Variants in ARIH1 observed in about 807,000 individuals in gnomAD.
ARIH1 encodes the protein E3 ubiquitin-protein ligase ARIH1.
A neutral mutation model predicts 85.0 loss-of-function variants in ARIH1; 8 were observed. The observed-to-expected ratio is 0.09, with a 90% CI of 0.06 to 0.17. The LOEUF is 0.17. Among genes scored for constraint, ARIH1 ranks in the 10% least tolerant of loss-of-function variants. The pLI, the probability that ARIH1 is intolerant of heterozygous loss-of-function variation, is 1.00. For missense variants in ARIH1, 311 were observed against 718.1 expected (o/e 0.43, Z 6.48); for synonymous variants, 238 against 253.6 (o/e 0.94, Z 0.59).
intron 2 of ARIH1, among the ~76,000 whole-genome samples, chr15:72,533,856 A>G (rs1050928095): frequency 1.3e-5 from 2 of 152,136 alleles, no homozygotes; most frequent in African/African-American, 2.4e-5. Context: ...GCTGTGAGCC[A>G]TTTTTATGCC....
intron 2 of ARIH1, among the ~76,000 whole-genome samples, chr15:72,529,443 T>G (rs544908663): frequency 6.6e-6 from 1 of 152,300 alleles, no homozygotes; most frequent in East Asian, 1.9e-4. Context: ...TTGACCACAC[T>G]GGTCTGGAAC....
At chr15:72,525,346 C>T (rs549645910) in intron 2 of ARIH1, among the ~76,000 whole-genome samples, 3 of 152,204 alleles carry the variant, frequency 2.0e-5, no homozygotes, top group African/African-American at 7.2e-5. Context: ...TGTATTAACT[C>T]GTGATTTAGT....
chr15:72,523,227 C>G (rs2064008817), intron 2 of ARIH1, among the ~76,000 whole-genome samples: 1 of 152,184 alleles, frequency 6.6e-6, no homozygotes, highest in Admixed American at 6.5e-5. Flanking sequence ...ATTGCCAAAA[C>G]TTGGAAGCAA....
intron 1 of ARIH1, among the ~76,000 whole-genome samples, chr15:72,505,861 G>A (rs777654587): frequency 2.8e-4 from 42 of 152,130 alleles, no homozygotes; most frequent in African/African-American, 9.4e-4. Context: ...TCAGCCTCCC[G>A]AGGAGCTGGG....
At chr15:72,514,042 G>T (rs1399940261) in intron 1 of ARIH1, among the ~76,000 whole-genome samples, 1 of 150,792 alleles carries the variant, frequency 6.6e-6, no homozygotes, top group Non-Finnish European at 1.5e-5. Flanking sequence ...GTCTCACCAT[G>T]TTGCTCAGAC....
chr15:72,509,086 G>A (rs28541481), intron 1 of ARIH1, among the ~76,000 whole-genome samples: 2,294 of 151,582 alleles, frequency 0.015, 56 homozygotes, highest in Admixed American at 0.057. Flanking sequence ...CGCTTCCTGG[G>A]TTCAGGTGAT....
chr15:72,534,947 A>C (rs1431963197), intron 2 of ARIH1, among the ~76,000 whole-genome samples: 1 of 76,270 alleles, frequency 1.3e-5, no homozygotes, highest in East Asian at 5.6e-4. Flanking sequence ...ATGTCTTCTT[A>C]TTGTCTGTAT....
chr15:72,495,970 G>T lies in ARIH1; in HGVS notation c.375+20956G>T, dbSNP rs565978334. ...CTGTCACCCAAGCTGGAGTGCAGTG[G>T]TGTAATCACAGCTCACCGCAGCCTT... On this transcript the variant is annotated intron_variant, in intron 1 of 13. Coordinates refer to ENST00000379887, the MANE Select transcript of ARIH1 (RefSeq NM_005744.5). Among the ~76,000 whole-genome samples the T allele has an allele frequency of 2.4e-4, 36 of 152,198 alleles. No homozygotes were observed. In the South Asian group the frequency reaches 7.1e-3, roughly 30 times the overall value.
chr15:72,491,935 T>C (rs945732137), intron 1 of ARIH1, among the ~76,000 whole-genome samples: 3 of 152,190 alleles, frequency 2.0e-5, no homozygotes, highest in Admixed American at 1.3e-4. Context: ...TCTTCTACCT[T>C]TTTCCATCCT....
intron 1 of ARIH1, 175 bp downstream of exon 1, chr15:72,475,189 G>A (rs999009432): frequency 3.9e-5 from 52 of 1,319,970 alleles, no homozygotes; most frequent in Non-Finnish European, 4.8e-5. Flanking sequence ...GCAGAGGTTC[G>A]CCGATTAGCC....
chr15:72,538,870 T>C (rs2064094426), intron 2 of ARIH1, among the ~76,000 whole-genome samples: 1 of 152,230 alleles, frequency 6.6e-6, no homozygotes, highest in South Asian at 2.1e-4. Flanking sequence ...ATTTTTTAAA[T>C]TGACAGATTA....
chr15:72,506,820 CTG>C (rs2063927709), intron 1 of ARIH1, among the ~76,000 whole-genome samples: 1 of 151,670 alleles, frequency 6.6e-6, no homozygotes, highest in Non-Finnish European at 1.5e-5. Context: ...TGTATGTAAA[CTG>C]GAATAAAAAA....
rs1048106746 is a variant in ARIH1 at position 72,583,610 on chromosome 15, G to A, written c.*318G>A. The A allele has an allele frequency of 2.7e-5, 6 of 219,820 alleles. No individual in the cohort carries two copies. Among genetic ancestry groups the A allele is most frequent in the Non-Finnish European group, 4.5e-5 (5 of 111,208 alleles). 13.6% of individuals were successfully genotyped at this position (219,820 alleles called of 1,614,324 possible). A position where few individuals can be genotyped will look rare whatever the true frequency, so the allele number is the denominator to read the frequency against. ...TTTCTTTTTCCTTTTCCTGAGTGTAGTACAGTTAAAATTTCAAACAGCTCC... is the reference window on the plus strand; with the variant it reads ...TTTCTTTTTCCTTTTCCTGAGTGTAATACAGTTAAAATTTCAAACAGCTCC... On this transcript the variant is annotated 3_prime_UTR_variant, in exon 14 of 14. Coordinates refer to ENST00000379887, the MANE Select transcript of ARIH1 (RefSeq NM_005744.5).
chr15:72,518,711 C>T (rs2063985805), intron 2 of ARIH1, among the ~76,000 whole-genome samples: 1 of 151,370 alleles, frequency 6.6e-6, no homozygotes, highest in Non-Finnish European at 1.5e-5. Flanking sequence ...TCACTTTAAC[C>T]TGGGAGGCGG....
At chr15:72,579,323 C>T (rs1209344615) in intron 11 of ARIH1, among the ~76,000 whole-genome samples, 1 of 152,112 alleles carries the variant, frequency 6.6e-6, no homozygotes, top group Non-Finnish European at 1.5e-5. Context: ...CCTGCATTTT[C>T]TGCACTGGTG....
intron 1 of ARIH1, among the ~76,000 whole-genome samples, chr15:72,496,379 A>G (rs913829186): frequency 1.3e-5 from 2 of 152,206 alleles, no homozygotes; most frequent in African/African-American, 2.4e-5. Flanking sequence ...TACTCTAAGC[A>G]CACAGACCTT....
intron 2 of ARIH1, among the ~76,000 whole-genome samples, chr15:72,543,288 CA>C (rs1567351780): frequency 6.6e-6 from 1 of 151,358 alleles, no homozygotes; most frequent in Non-Finnish European, 1.5e-5. Context: ...ACCTGGGCGG[CA>C]AAGGTTGCAG....
At chr15:72,484,105 A>T (rs1463049240) in intron 1 of ARIH1, among the ~76,000 whole-genome samples, 2 of 151,484 alleles carry the variant, frequency 1.3e-5, no homozygotes, top group Non-Finnish European at 2.9e-5. Flanking sequence ...CCCAGGAGAC[A>T]GAGGTTGCAG....
At chr15:72,574,934 AAAG>A (rs2064263803) in intron 11 of ARIH1, among the ~76,000 whole-genome samples, 3 of 134,204 alleles carry the variant, frequency 2.2e-5, no homozygotes, top group African/African-American at 7.8e-5. Context: ...AAAAAAAAAC[AAAG>A]AAGGTTTTTA....
Sources: allele counts gnomAD v4.1 joint callset (sites outside exome capture counted in the v4.1 genomes callset), GRCh38; gene constraint gnomAD v4.1.1; transcripts MANE v1.5; gene names NCBI Gene and HGNC (gene_info 2026-07-23, HGNC 2026-07-21).